The following DIAPH3 variants were observed in gnomAD, a reference collection of about 807,000 sequenced individuals.
DIAPH3 encodes diaphanous related formin 3.
In DIAPH3, 117 loss-of-function variants were observed where a neutral mutation model predicts 144.3. The ratio of observed to expected loss-of-function variants is 0.81; its 90% CI spans 0.70 to 0.95. DIAPH3 has a LOEUF of 0.95. Ranked by LOEUF, DIAPH3 falls within the 40% of genes least tolerant of loss-of-function variation. The pLI, the probability that DIAPH3 is intolerant of heterozygous loss-of-function variation, is 0.00. For missense variants in DIAPH3, 1,421 were observed against 1,412.7 expected, an observed-to-expected ratio of 1.01 and a Z score of -0.09; for synonymous variants, 519 against 488.9, an observed-to-expected ratio of 1.06 and a Z score of -0.81.
At chr13:59,912,005 C>G (rs1446527908) in intron 19 of DIAPH3, among the ~76,000 whole-genome samples, 169 bp from the exon 20 acceptor site, 1 of 152,156 alleles carries the variant, frequency 6.6e-6, no homozygotes. Flanking sequence ...ATCTTGAAAA[C>G]AGTCAATTTT....
intron 2 of DIAPH3, among the ~76,000 whole-genome samples, chr13:60,128,247 T>G (rs1452528637): frequency 2.0e-5 from 3 of 152,178 alleles, no homozygotes; most frequent in Admixed American, 6.5e-5. Context: ...ATCTTGTTCT[T>G]TTTTATGGCT....
chr13:59,785,215 G>A (rs899366601), intron 25 of DIAPH3, among the ~76,000 whole-genome samples: 1 of 151,992 alleles, frequency 6.6e-6, no homozygotes, highest in East Asian at 1.9e-4. Context: ...GAATTTTATG[G>A]GGAAAAAACT....
At chr13:59,787,363 T>G (rs2039088838) in intron 25 of DIAPH3, among the ~76,000 whole-genome samples, 1 of 152,188 alleles carries the variant, frequency 6.6e-6, no homozygotes. Context: ...AAGTATATTT[T>G]CAGTAGTTCT....
At chr13:59,859,870 T>A (rs1341785498) in intron 22 of DIAPH3, among the ~76,000 whole-genome samples, 7 of 152,206 alleles carry the variant, frequency 4.6e-5, no homozygotes, top group Non-Finnish European at 8.8e-5. Flanking sequence ...TTTCCCTTCT[T>A]GAATCCTATT....
chr13:59,691,211 C>A (rs2033499860), intron 27 of DIAPH3, among the ~76,000 whole-genome samples: 2 of 152,038 alleles, frequency 1.3e-5, no homozygotes, highest in Admixed American at 1.3e-4. Context: ...AATTTCTTAT[C>A]TTATCTTTTT....
intron 27 of DIAPH3, among the ~76,000 whole-genome samples, chr13:59,727,593 T>C (rs2035667533): frequency 6.6e-6 from 1 of 152,206 alleles, no homozygotes; most frequent in African/African-American, 2.4e-5. Context: ...ATAAGCCCTG[T>C]GCATTATGGG....
chr13:60,008,678 G>C (rs1239442662), intron 8 of DIAPH3, 29 bp from the exon 9 acceptor site: 2 of 1,389,832 alleles, frequency 1.4e-6, no homozygotes, highest in East Asian at 2.3e-5. Context: ...CAATTAAATT[G>C]CAAGTAGCAA....
chr13:59,733,108 T>C (rs1390561886), intron 27 of DIAPH3, among the ~76,000 whole-genome samples: 1 of 152,184 alleles, frequency 6.6e-6, no homozygotes, highest in Admixed American at 6.5e-5. Flanking sequence ...TCCTTCATTA[T>C]CTACATTCTT....
chr13:60,158,399 TTGGCTGCAACACAC>T (rs1386826395), intron 1 of DIAPH3, among the ~76,000 whole-genome samples: 1 of 152,226 alleles, frequency 6.6e-6, no homozygotes, highest in Non-Finnish European at 1.5e-5. Flanking sequence ...CTGGAAGGAT[TTGGCTGCAACACAC>T]TGGCTGGTAT....
At chr13:59,758,756 A>G (rs1353135096) in intron 27 of DIAPH3, among the ~76,000 whole-genome samples, 1 of 151,982 alleles carries the variant, frequency 6.6e-6, no homozygotes, top group Non-Finnish European at 1.5e-5. Context: ...AGGGGGCTTC[A>G]CAGAGGCAAG....
At chr13:59,742,992 G>A (rs1008380816) in intron 27 of DIAPH3, among the ~76,000 whole-genome samples, 1 of 152,192 alleles carries the variant, frequency 6.6e-6, no homozygotes, top group Non-Finnish European at 1.5e-5. Context: ...GTTGAAAAGT[G>A]TGGATCACAC....
intron 21 of DIAPH3, among the ~76,000 whole-genome samples, chr13:59,865,737 A>G (rs1181949965): frequency 6.6e-6 from 1 of 151,990 alleles, no homozygotes; most frequent in African/African-American, 2.4e-5. Flanking sequence ...ACTCCCTTGC[A>G]GTTACAGTGC....
chr13:59,845,064 G>A (rs1238049789), intron 22 of DIAPH3, among the ~76,000 whole-genome samples: 2 of 131,554 alleles, frequency 1.5e-5, no homozygotes, highest in African/African-American at 5.8e-5. Flanking sequence ...TTTTCTTTTT[G>A]AGATGGAGTC....
At chr13:59,866,651 T>C (rs1329142002) in intron 21 of DIAPH3, among the ~76,000 whole-genome samples, 1 of 152,104 alleles carries the variant, frequency 6.6e-6, no homozygotes, top group Non-Finnish European at 1.5e-5. Flanking sequence ...ACTCTTTATA[T>C]ATTTCTAATG....
At chr13:59,759,427 A>G (rs1219252805) in intron 27 of DIAPH3, among the ~76,000 whole-genome samples, 2 of 152,200 alleles carry the variant, frequency 1.3e-5, no homozygotes, top group Non-Finnish European at 2.9e-5. Context: ...GAAGACACAG[A>G]GTTAATTTCT....
chr13:60,063,572 G>A (rs2056848689), intron 4 of DIAPH3, among the ~76,000 whole-genome samples: 4 of 152,112 alleles, frequency 2.6e-5, no homozygotes, highest in Admixed American at 2.6e-4. Flanking sequence ...AGACTTGAAA[G>A]TTGAAATGAC....
intron 24 of DIAPH3, among the ~76,000 whole-genome samples, chr13:59,829,982 C>A (rs1300085529): frequency 6.6e-6 from 1 of 151,848 alleles, no homozygotes; most frequent in African/African-American, 2.4e-5. Context: ...GATGAATAAA[C>A]AATGGAAACA....
chr13:59,806,156 A>G (rs1267559148), intron 25 of DIAPH3, among the ~76,000 whole-genome samples: 1 of 152,046 alleles, frequency 6.6e-6, no homozygotes, highest in African/African-American at 2.4e-5. Flanking sequence ...TGTGCCTTAC[A>G]TATGAAAATA....
chr13:59,770,223 A>G (rs2038055308), intron 27 of DIAPH3, among the ~76,000 whole-genome samples: 1 of 152,174 alleles, frequency 6.6e-6, no homozygotes, highest in Non-Finnish European at 1.5e-5. Flanking sequence ...AGCAACTGGC[A>G]TATCAAATTA....
Sources: gnomAD v4.1 joint callset for allele counts (sites outside exome capture counted in the v4.1 genomes callset) on GRCh38, gnomAD v4.1.1 for gene constraint, MANE v1.5 for transcripts, NCBI Gene and HGNC (gene_info 2026-07-23, HGNC 2026-07-21) for gene names.